The following GSE1 variants were observed in gnomAD, a reference collection of about 807,000 sequenced individuals.
GSE1 encodes the protein genetic suppressor element 1.
GSE1 carries 32 observed loss-of-function variants against 112.6 expected under a neutral mutation model. The ratio of observed to expected loss-of-function variants is 0.28; its 90% CI spans 0.21 to 0.38. The LOEUF (loss-of-function observed/expected upper bound fraction) is 0.38. Among genes scored for constraint, GSE1 ranks in the 10% least tolerant of loss-of-function variants. GSE1 has a pLI of 1.00. For missense variants in GSE1, 2,348 were observed against 1,699.2 expected, an observed-to-expected ratio of 1.38 and a Z score of -6.71; for synonymous variants, 1,115 against 735.6, an observed-to-expected ratio of 1.52 and a Z score of -8.35.
chr16:85,664,950 C>A, intron 11 of GSE1, 65 bp from the exon 12 acceptor site: 1 of 1,102,248 alleles, frequency 9.1e-7, no homozygotes, highest in East Asian at 2.4e-5. Flanking sequence ...GGCTAGAATC[C>A]CGCTGTCCTT....
chr16:85,508,388 C>G (rs1254306805), intron 2 of GSE1, among the ~76,000 whole-genome samples: 1 of 152,176 alleles, frequency 6.6e-6, no homozygotes, highest in African/African-American at 2.4e-5. Flanking sequence ...ACGCAGGTAG[C>G]TTCTACCTAG....
chr16:85,460,795 C>CAATGGAG lies in GSE1; in HGVS notation c.2464+103155_2464+103161dup, dbSNP rs1311169380. Among the ~76,000 whole-genome samples, 3 of 118,782 alleles carry CAATGGAG rather than the reference C, an allele frequency of 2.5e-5. No homozygotes were observed. In the East Asian group the frequency reaches 7.3e-4, roughly 29 times the overall value. The allele number at this position is 118,782 out of a possible 152,430, so 77.9% of individuals were successfully genotyped here. On this transcript the variant is annotated intron_variant, in intron 2 of 2. Coordinates refer to the GSE1 transcript ENST00000637419. ...AAGAACGTCCCATAACCAGGGACGG[C>CAATGGAG]AATGGAGAAGGAGCTGAGGAAGCCA...
chr16:85,235,878 G>GCCCGCGCCCCGCC (rs1462458073), intron 1 of GSE1, among the ~76,000 whole-genome samples: 1 of 151,890 alleles, frequency 6.6e-6, no homozygotes, highest in South Asian at 2.1e-4. Context: ...TGGCAGCGGC[G>GCCCGCGCCCCGCC]CCCGCGCCCC....
At chr16:85,192,231 G>T (rs1277226330) in intron 1 of GSE1, among the ~76,000 whole-genome samples, 1 of 152,204 alleles carries the variant, frequency 6.6e-6, no homozygotes, top group Non-Finnish European at 1.5e-5. Flanking sequence ...GAGGGGTTAG[G>T]ATTATTCCAC....
At chr16:85,430,605 G>A (rs1473127872) in intron 2 of GSE1, among the ~76,000 whole-genome samples, 2 of 152,212 alleles carry the variant, frequency 1.3e-5, no homozygotes, top group African/African-American at 4.8e-5. Context: ...TCTCCACACG[G>A]CAGTCACTTG....
intron 2 of GSE1, among the ~76,000 whole-genome samples, chr16:85,362,777 G>T (rs1429358239): frequency 1.3e-5 from 2 of 151,886 alleles, no homozygotes; most frequent in Non-Finnish European, 2.9e-5. Flanking sequence ...TGCCACGTGG[G>T]CCCTGGGTAT....
chr16:85,572,431 G>A (rs1412400453), intron 1 of GSE1, among the ~76,000 whole-genome samples: 1 of 131,594 alleles, frequency 7.6e-6, no homozygotes, highest in Non-Finnish European at 1.6e-5. Context: ...CACACACACA[G>A]CACATACAAC....
At chr16:85,331,459 A>G (rs867425631) in intron 1 of GSE1, among the ~76,000 whole-genome samples, 90 of 139,964 alleles carry the variant, frequency 6.4e-4, no homozygotes, top group African/African-American at 2.1e-3. Flanking sequence ...ATGTATATAT[A>G]TGTGTGTATA....
intron 2 of GSE1, among the ~76,000 whole-genome samples, chr16:85,395,809 C>T (rs1283982897): frequency 2.0e-5 from 3 of 151,946 alleles, no homozygotes; most frequent in African/African-American, 7.2e-5. Context: ...CGCCCACCCT[C>T]CCCAGGCTCT....
intron 2 of GSE1, among the ~76,000 whole-genome samples, chr16:85,472,567 AT>A (rs2050328136): frequency 6.6e-6 from 1 of 152,224 alleles, no homozygotes; most frequent in South Asian, 2.1e-4. Flanking sequence ...AAATAAGGCC[AT>A]ATTACGGGGT....
chr16:85,290,937 C>T (rs978546042), intron 1 of GSE1, among the ~76,000 whole-genome samples: 1 of 152,080 alleles, frequency 6.6e-6, no homozygotes, highest in East Asian at 1.9e-4. Context: ...GCCGGGTCCC[C>T]AAGCAGGGAG....
intron 2 of GSE1, among the ~76,000 whole-genome samples, chr16:85,421,359 C>T (rs2151739458): frequency 6.6e-6 from 1 of 152,260 alleles, no homozygotes; most frequent in South Asian, 2.1e-4. Flanking sequence ...CCAATTTCCA[C>T]ACCCTCTGGA....
chr16:85,329,856 C>CCCT, intron 1 of GSE1, among the ~76,000 whole-genome samples: 1 of 103,216 alleles, frequency 9.7e-6, no homozygotes, highest in Non-Finnish European at 1.9e-5. Context: ...GTGGGGAGGG[C>CCCT]GGAGGGCAGG....
intron 2 of GSE1, among the ~76,000 whole-genome samples, chr16:85,366,658 A>C (rs563052149): frequency 4.6e-5 from 7 of 152,144 alleles, no homozygotes; most frequent in African/African-American, 1.7e-4. Context: ...TTAGACTGGG[A>C]TCTGGTTTCC....
intron 1 of GSE1, among the ~76,000 whole-genome samples, chr16:85,626,981 C>T (rs1567674580): frequency 6.8e-6 from 1 of 146,328 alleles, no homozygotes; most frequent in Admixed American, 6.9e-5. Context: ...CGGAAAATAG[C>T]AGCTCGCTGG....
At position 85,565,481 on chromosome 16, in the gene GSE1, C is replaced by A. The variant is rs150130063; in HGVS notation, c.37+9118C>A. The stretch of plus-strand genomic sequence containing the variant: ...GTGTAGAGGGAGCGCAGGCCAGGCA[C>A]AGGGAGATGCCCCTGAGAAGCCCCC... On this transcript the variant is annotated intron_variant, in intron 1 of 2. Transcript: ENST00000635906. 5.3e-3 allele frequency among the ~76,000 whole-genome samples: 801 copies of A among 152,228 alleles called. 5 individuals carry two copies. The highest frequency in any genetic ancestry group is 0.016 in the South Asian group (75 of 4,826).
chr16:85,619,518 G>GC, intron 1 of GSE1, among the ~76,000 whole-genome samples: 1 of 152,342 alleles, frequency 6.6e-6, no homozygotes, highest in Middle Eastern at 3.4e-3. Context: ...GCCAAGCGAT[G>GC]CCCCACAGCC....
At chr16:85,235,753 C>G (rs1436994587) in intron 1 of GSE1, among the ~76,000 whole-genome samples, 1 of 151,866 alleles carries the variant, frequency 6.6e-6, no homozygotes, top group African/African-American at 2.4e-5. Flanking sequence ...GGGGCCCGCC[C>G]GCCCCAGGAA....
chr16:85,376,554 C>T (rs1200431263), intron 2 of GSE1, among the ~76,000 whole-genome samples: 1 of 152,240 alleles, frequency 6.6e-6, no homozygotes, highest in Non-Finnish European at 1.5e-5. Flanking sequence ...GCCTGCCTGC[C>T]GGGCGTGTGG....
Sources: gnomAD v4.1 joint callset for allele counts (sites outside exome capture counted in the v4.1 genomes callset) on GRCh38, gnomAD v4.1.1 for gene constraint, MANE v1.5 for transcripts, NCBI Gene and HGNC (gene_info 2026-07-23, HGNC 2026-07-21) for gene names.